PTPRA: variants seen among roughly 807,000 people sequenced by gnomAD.
PTPRA encodes the protein protein tyrosine phosphatase receptor type A.
A neutral mutation model predicts 104.8 loss-of-function variants in PTPRA; 25 were observed. The observed-to-expected ratio is 0.24, with a 90% CI of 0.17 to 0.33. PTPRA has a LOEUF of 0.33. Among genes scored for constraint, PTPRA ranks in the 10% least tolerant of loss-of-function variants. The probability of loss-of-function intolerance (pLI) is 1.00; values close to 1 mark genes in which losing one functional copy is unlikely to be tolerated. For missense variants in PTPRA, 765 were observed against 1,015.3 expected (o/e 0.75, Z 3.35); for synonymous variants, 323 against 368.9 (o/e 0.88, Z 1.43).
At chr20:2,896,186 C>T (rs1303290281) in intron 1 of PTPRA, among the ~76,000 whole-genome samples, 1 of 151,898 alleles carries the variant, frequency 6.6e-6, no homozygotes, top group African/African-American at 2.4e-5. Context: ...ACCAGCCTGG[C>T]CAACATGGTG....
intron 1 of PTPRA, among the ~76,000 whole-genome samples, chr20:2,899,258 A>G (rs1341131963): frequency 6.6e-6 from 1 of 152,250 alleles, no homozygotes; most frequent in African/African-American, 2.4e-5. Flanking sequence ...GACTTAAAAA[A>G]ATAAACAAAT....
chr20:2,924,362 C>T (rs1017970586), intron 2 of PTPRA, among the ~76,000 whole-genome samples: 31 of 152,086 alleles, frequency 2.0e-4, no homozygotes, highest in African/African-American at 6.8e-4. Flanking sequence ...AGATCACGCC[C>T]CTGCACTCCA....
chr20:3,009,048 G>A (rs2064024514), intron 11 of PTPRA, among the ~76,000 whole-genome samples: 2 of 152,174 alleles, frequency 1.3e-5, no homozygotes, highest in Admixed American at 1.3e-4. Context: ...GAAGATAAAG[G>A]AGAGGACAGA....
rs12151862 is a variant in PTPRA, at chr20:3,032,708, A to C, written c.1921-2877A>C. Among the ~76,000 whole-genome samples the C allele has an allele frequency of 4.0e-4, 61 of 150,818 alleles. 1 individual carries two copies. The highest frequency in any genetic ancestry group is 1.3e-3 in the Admixed American group (20 of 15,170). On this transcript the variant is annotated intron_variant, in intron 20 of 23. Coordinates refer to ENST00000399903, the MANE Select transcript of PTPRA (RefSeq NM_001385305.1). ...TTGAACCAGGGAGCTGAAGGTTGCA[A>C]TGAGCCAAGATCGCGCCACTGCATT...
intron 1 of PTPRA, among the ~76,000 whole-genome samples, chr20:2,917,817 G>T (rs1302482188): frequency 6.6e-6 from 1 of 151,838 alleles, no homozygotes; most frequent in Non-Finnish European, 1.5e-5. Flanking sequence ...AAAAAAGTAA[G>T]ACTTTAGGGC....
intron 3 of PTPRA, among the ~76,000 whole-genome samples, chr20:2,952,161 G>C (rs1365512372): frequency 3.3e-5 from 5 of 151,844 alleles, no homozygotes; most frequent in African/African-American, 1.2e-4. Context: ...ACTCCAAAAT[G>C]GTTGTACCAT....
In PTPRA at chr20:3,015,875, T is replaced by C; in HGVS notation, c.933T>C (p.Ile311=). 1 of 1,567,784 alleles carries C rather than the reference T, an allele frequency of 6.4e-7. No individual in the cohort carries two copies. The highest frequency in any genetic ancestry group is 8.8e-7 in the Non-Finnish European group (1 of 1,138,296). The change falls in exon 12 of 24, where the codon ATT becomes ATC. Residue 311 remains isoleucine, a synonymous_variant. Transcript: ENST00000399903. ...INGYQEKNKF[I]AAQGPKEETV... ...GCTACCAAGAAAAGAACAAATTCAT[T>C]GCTGCACAAGGTAAAGTAATGACAA... is the stretch of plus-strand genomic sequence containing the variant.
chr20:2,958,040 G>A (rs2061601220), intron 3 of PTPRA, among the ~76,000 whole-genome samples: 1 of 152,006 alleles, frequency 6.6e-6, no homozygotes. Flanking sequence ...AAGAAGAACA[G>A]TGTAGTGAAG....
chr20:3,000,350 A>T lies in PTPRA; in HGVS notation c.739-4706A>T, dbSNP rs116326394. Among the ~76,000 whole-genome samples the T allele has an allele frequency of 2.9e-3, 437 of 152,300 alleles. 3 individuals carry two copies. Among genetic ancestry groups the T allele is most frequent in the African/African-American group, 9.9e-3 (411 of 41,568 alleles). On this transcript the variant is annotated intron_variant, in intron 9 of 23. Transcript: ENST00000399903. ...TGACTAGGTACTTCACGGAAGAGGA[A>T]ACTCTTTTGACCAGTATGCTATGGA...
chr20:3,030,745 G>C (rs559020891), intron 20 of PTPRA, among the ~76,000 whole-genome samples: 1 of 136,336 alleles, frequency 7.3e-6, no homozygotes, highest in East Asian at 2.2e-4. Context: ...GAGTGCAGTG[G>C]CACAATCTCA....
chr20:2,924,261 G>GA (rs2060207945), intron 2 of PTPRA, among the ~76,000 whole-genome samples: 1 of 152,052 alleles, frequency 6.6e-6, no homozygotes, highest in African/African-American at 2.4e-5. Flanking sequence ...AATGAGCTGA[G>GA]TGTGGTGGCT....
chr20:3,002,920 C>T (rs560192341), intron 9 of PTPRA, among the ~76,000 whole-genome samples: 10 of 152,270 alleles, frequency 6.6e-5, no homozygotes, highest in African/African-American at 2.4e-4. Flanking sequence ...TCACCTTCTG[C>T]GTGATACCTG....
chr20:3,017,818 C>A lies in PTPRA; in HGVS notation c.946C>A (p.Pro316Thr). 1.2e-6 allele frequency: 2 copies of A among 1,613,862 alleles called. No homozygotes were observed. Among genetic ancestry groups the A allele is most frequent in the Non-Finnish European group, 1.7e-6 (2 of 1,179,908 alleles). The change falls in exon 13 of 24, where the codon CCA becomes ACA. Residue 316 changes from proline to threonine, a missense_variant and splice_region_variant. By Grantham distance (38) the Pro-to-Thr change is conservative. Around this residue, in one of 4 missense-constraint regions of PTPRA, gnomAD observed 245 missense variants for 398.7 expected, o/e 0.61. Transcript: ENST00000399903. ...EKNKFIAAQG[P>T]KEETVNDFWR... ...ATTTTTGCTGTTGGCTACTTTAGGA[C>A]CAAAAGAAGAAACGGTGAATGATTT... is the stretch of plus-strand genomic sequence containing the variant.
At chr20:2,957,410 C>G (rs1040151189) in intron 3 of PTPRA, among the ~76,000 whole-genome samples, 2 of 152,110 alleles carry the variant, frequency 1.3e-5, no homozygotes, top group Non-Finnish European at 2.9e-5. Flanking sequence ...TATCGTTTAC[C>G]CATTTTACTT....
chr20:2,866,365 G>A, the PTPRA span: 74 of 1,614,010 alleles, frequency 4.6e-5, no homozygotes, highest in Non-Finnish European at 5.4e-5. Context: ...CTGTGGGCTG[G>A]TGAGAGGCAG....
chr20:2,934,683 T>C (rs2090505935), intron 2 of PTPRA, among the ~76,000 whole-genome samples: 1 of 146,862 alleles, frequency 6.8e-6, no homozygotes, highest in Non-Finnish European at 1.5e-5. Flanking sequence ...TTTTTTTTTT[T>C]TTTTTTTGAG....
chr20:2,995,984 C>G (rs887560139), intron 9 of PTPRA, among the ~76,000 whole-genome samples: 4 of 152,226 alleles, frequency 2.6e-5, no homozygotes, highest in Admixed American at 1.3e-4. Flanking sequence ...GCAGCTTGCT[C>G]TTTCCCATCC....
At chr20:2,929,762 C>T (rs1190147563) in intron 2 of PTPRA, among the ~76,000 whole-genome samples, 1 of 152,040 alleles carries the variant, frequency 6.6e-6, no homozygotes, top group Non-Finnish European at 1.5e-5. Context: ...GAGCTCGAGG[C>T]TGCAGTAAGC....
At position 3,038,447 on chromosome 20, in the gene PTPRA, T is replaced by C. The variant is rs2065905250; in HGVS notation, c.*314T>C. 1 of 277,740 alleles carries C rather than the reference T, an allele frequency of 3.6e-6. No individual in the cohort carries two copies. The highest frequency in any genetic ancestry group is 5.1e-5 in the Admixed American group (1 of 19,534). 17.2% of individuals were successfully genotyped at this position (277,740 alleles called of 1,614,324 possible). On this transcript the variant is annotated 3_prime_UTR_variant, in exon 24 of 24. Coordinates refer to ENST00000399903, the MANE Select transcript of PTPRA (RefSeq NM_001385305.1). ...TAAAGAAGATAAACACAAAATCCAT[T>C]CCAGGTAGCTCGGCACCAACTAAGA...
Sources: gnomAD v4.1 joint callset for allele counts (sites outside exome capture counted in the v4.1 genomes callset) on GRCh38, gnomAD v4.1.1 for gene constraint, gnomAD v4.1.1 regional missense constraint, MANE v1.5 for transcripts, NCBI Gene and HGNC (gene_info 2026-07-23, HGNC 2026-07-21) for gene names.